Variants in FAR2 observed in about 807,000 individuals in gnomAD.
The protein encoded by FAR2 is epididymis secretory protein Li 81.
Under a neutral mutation model 56.0 loss-of-function variants are expected in FAR2, and 19 were observed. That is an observed-to-expected ratio of 0.34 (90% CI 0.24 to 0.50). The LOEUF is 0.50. Among genes scored for constraint, FAR2 ranks in the 20% least tolerant of loss-of-function variants. The probability of loss-of-function intolerance (pLI) is 0.98; values close to 1 mark genes in which losing one functional copy is unlikely to be tolerated. For missense variants in FAR2, 508 were observed against 642.2 expected, an observed-to-expected ratio of 0.79 and a Z score of 2.26; for synonymous variants, 219 against 218.8, an observed-to-expected ratio of 1.00 and a Z score of -0.01.
Position 29,312,262 on chromosome 12 carries a change from T to C in FAR2, c.955+312T>C, listed in dbSNP as rs117484235. The stretch of plus-strand genomic sequence containing the variant: ...GAATGTCAGTGATAAAATACTGAAA[T>C]ACTCCTCCCTGTTGGAGCAATGGCT... On this transcript the variant is annotated intron_variant, in intron 8 of 11. Coordinates refer to ENST00000536681, the MANE Select transcript of FAR2 (RefSeq NM_001271783.2). Among the ~76,000 whole-genome samples the C allele has an allele frequency of 4.0e-3, 613 of 152,246 alleles. 4 individuals are homozygous for C. Among genetic ancestry groups the C allele is most frequent in the Non-Finnish European group, 7.0e-3 (473 of 67,996 alleles).
chr12:29,273,734 A>G (rs1237550288), intron 2 of FAR2, among the ~76,000 whole-genome samples: 1 of 152,252 alleles, frequency 6.6e-6, no homozygotes. Context: ...AGAGGCTGTA[A>G]GAATCTGCAC....
intron 1 of FAR2, among the ~76,000 whole-genome samples, chr12:29,265,498 CT>C (rs2136699647): frequency 6.6e-6 from 1 of 152,260 alleles, no homozygotes; most frequent in South Asian, 2.1e-4. Flanking sequence ...AACTAGACCC[CT>C]ATCTCTTGCC....
chr12:29,236,361 G>A (rs1049235470), intron 1 of FAR2, among the ~76,000 whole-genome samples: 6 of 152,124 alleles, frequency 3.9e-5, no homozygotes, highest in Admixed American at 3.3e-4. Context: ...GAACCAGGAT[G>A]TGGCTGAGAA....
chr12:29,191,626 T>C (rs1247243104), intron 1 of FAR2, among the ~76,000 whole-genome samples: 1 of 152,236 alleles, frequency 6.6e-6, no homozygotes, highest in Non-Finnish European at 1.5e-5. Context: ...TCTCTGTTTG[T>C]GTATACTCTG....
chr12:29,206,289 C>G (rs1947477694), intron 1 of FAR2, among the ~76,000 whole-genome samples: 1 of 152,166 alleles, frequency 6.6e-6, no homozygotes, highest in Admixed American at 6.5e-5. Context: ...AGATTTGGTA[C>G]CAGGAGCAAT....
chr12:29,295,619 A>T (rs576894039), intron 3 of FAR2, among the ~76,000 whole-genome samples: 15 of 152,030 alleles, frequency 9.9e-5, no homozygotes, highest in African/African-American at 3.6e-4. Context: ...ATTTTATTCA[A>T]TTTTTTATTT....
At chr12:29,190,599 G>A (rs549135981) in intron 1 of FAR2, among the ~76,000 whole-genome samples, 3 of 152,144 alleles carry the variant, frequency 2.0e-5, no homozygotes, top group East Asian at 3.9e-4. Flanking sequence ...TGAGTAGCTG[G>A]GAGTATAGGC....
At chr12:29,171,717 C>T (rs1000277201) in intron 1 of FAR2, 3 of 149,438 alleles carry the variant, frequency 2.0e-5, no homozygotes, top group Non-Finnish European at 2.9e-5. Flanking sequence ...AGGAGCACCT[C>T]GGACTGACTG....
intron 1 of FAR2, among the ~76,000 whole-genome samples, chr12:29,254,069 G>T (rs1948276655): frequency 6.6e-6 from 1 of 152,138 alleles, no homozygotes; most frequent in African/African-American, 2.4e-5. Context: ...TCTCTCCCCA[G>T]CTGGGACCAT....
intron 1 of FAR2, among the ~76,000 whole-genome samples, chr12:29,254,529 A>G (rs1363745133): frequency 1.3e-5 from 2 of 152,216 alleles, no homozygotes; most frequent in Admixed American, 1.3e-4. Flanking sequence ...GCTTGGATCA[A>G]TTAGGTCTTT....
intron 8 of FAR2, 77 bp downstream of exon 8, chr12:29,312,027 G>A: frequency 9.5e-7 from 1 of 1,049,976 alleles, no homozygotes; most frequent in African/African-American, 1.6e-5. Flanking sequence ...GTGTCATGGA[G>A]CTTAGAGCTT....
chr12:29,311,944 A>AGT lies in FAR2; in HGVS notation c.949_950insGT (p.Lys317SerfsTer62). The AGT allele has an allele frequency of 6.2e-7, 1 of 1,608,800 alleles. No individual in the cohort carries two copies. Among genetic ancestry groups the AGT allele is most frequent in the Non-Finnish European group, 8.5e-7 (1 of 1,176,288 alleles). On this transcript the variant is annotated frameshift_variant, in exon 8 of 12. Coordinates refer to ENST00000536681, the MANE Select transcript of FAR2 (RefSeq NM_001271783.2). LOFTEE classifies it high-confidence loss of function. ...TAACATGAATCCCTGCAATTGGCAC[A>AGT]AAATGGGTAAGTACTTTAGCTATGT...
At chr12:29,209,057 A>G (rs1947511125) in intron 1 of FAR2, among the ~76,000 whole-genome samples, 1 of 151,706 alleles carries the variant, frequency 6.6e-6, no homozygotes, top group African/African-American at 2.4e-5. Flanking sequence ...TTCAGGCAGG[A>G]GGTAATTCAG....
intron 1 of FAR2, among the ~76,000 whole-genome samples, chr12:29,161,932 G>A (rs1036959828): frequency 3.1e-4 from 2 of 6,404 alleles, no homozygotes; most frequent in Non-Finnish European, 0.017. Flanking sequence ...CTTCTCTTGT[G>A]ATGTCCCCCA....
At chr12:29,230,786 C>T (rs189472164) in intron 1 of FAR2, among the ~76,000 whole-genome samples, 100 of 152,168 alleles carry the variant, frequency 6.6e-4, no homozygotes, top group Middle Eastern at 3.4e-3. Flanking sequence ...TTAAAGAACT[C>T]ATAGAATAGA....
chr12:29,333,020 C>A, intron 11 of FAR2: 2 of 426,352 alleles, frequency 4.7e-6, no homozygotes, highest in Non-Finnish European at 8.9e-6. Flanking sequence ...AGATTTGAAC[C>A]CAAATTTGTT....
intron 1 of FAR2, among the ~76,000 whole-genome samples, chr12:29,260,838 G>C (rs964745355): frequency 2.0e-5 from 3 of 152,152 alleles, no homozygotes; most frequent in Non-Finnish European, 4.4e-5. Flanking sequence ...TCTCTGCCTG[G>C]TAATCCAGGG....
At chr12:29,305,127 A>T (rs1949235163) in intron 4 of FAR2, among the ~76,000 whole-genome samples, 1 of 144,928 alleles carries the variant, frequency 6.9e-6, no homozygotes, top group Admixed American at 6.9e-5. Flanking sequence ...TTATTTGTTT[A>T]TTTTTATTTT....
At chr12:29,166,865 T>C (rs1174850351) in intron 1 of FAR2, among the ~76,000 whole-genome samples, 3 of 152,232 alleles carry the variant, frequency 2.0e-5, no homozygotes, top group African/African-American at 7.2e-5. Flanking sequence ...AGCAGGACTT[T>C]CATTCTTTAA....
Sources: allele counts gnomAD v4.1 joint callset (sites outside exome capture counted in the v4.1 genomes callset), GRCh38; gene constraint gnomAD v4.1.1; transcripts MANE v1.5; gene names NCBI Gene and HGNC (gene_info 2026-07-23, HGNC 2026-07-21).